The following MDGA2 variants were observed in gnomAD, a reference collection of about 807,000 sequenced individuals.
MDGA2 encodes the protein MAM domain-containing glycosylphosphatidylinositol anchor protein 2.
A neutral mutation model predicts 117.8 loss-of-function variants in MDGA2; 40 were observed. The observed-to-expected ratio is 0.34, with a 90% CI of 0.26 to 0.44. The LOEUF (loss-of-function observed/expected upper bound fraction) is 0.44. Among genes scored for constraint, MDGA2 ranks in the 20% least tolerant of loss-of-function variants. The pLI, the probability that MDGA2 is intolerant of heterozygous loss-of-function variation, is 1.00. For synonymous variants in MDGA2, 452 were observed against 439.0 expected, an observed-to-expected ratio of 1.03 and a Z score of -0.37; for missense variants, 1,123 against 1,250.6, an observed-to-expected ratio of 0.90 and a Z score of 1.54.
At chr14:47,164,684 A>T (rs371712767) in intron 3 of MDGA2, among the ~76,000 whole-genome samples, 1 of 152,196 alleles carries the variant, frequency 6.6e-6, no homozygotes, top group Non-Finnish European at 1.5e-5. Flanking sequence ...ATTGTGGAAG[A>T]CAGTGTGGCG....
intron 1 of MDGA2, among the ~76,000 whole-genome samples, chr14:47,361,751 G>C (rs1044680301): frequency 6.6e-6 from 1 of 152,082 alleles, no homozygotes; most frequent in African/African-American, 2.4e-5. Flanking sequence ...GGTTTGAACT[G>C]AGGACTCAGT....
At chr14:47,150,671 C>T (rs1163979932) in intron 3 of MDGA2, among the ~76,000 whole-genome samples, 2 of 152,056 alleles carry the variant, frequency 1.3e-5, no homozygotes, top group African/African-American at 4.8e-5. Flanking sequence ...TGCCTGTAAT[C>T]CTAGCACTTT....
At chr14:47,661,373 G>A (rs906711256) in intron 1 of MDGA2, among the ~76,000 whole-genome samples, 1 of 152,032 alleles carries the variant, frequency 6.6e-6, no homozygotes, top group African/African-American at 2.4e-5. Context: ...GCATACAGTA[G>A]GCACTTGATA....
intron 1 of MDGA2, among the ~76,000 whole-genome samples, chr14:47,335,888 T>TAGGAGAGAAATGGGCAGGAG (rs1475913438): frequency 2.0e-5 from 3 of 151,016 alleles, no homozygotes; most frequent in African/African-American, 7.3e-5. Context: ...ATGTAGGGTA[T>TAGGAGAGAAATGGGCAGGAG]AGGAGAGAAA....
At chr14:47,028,321 C>T (rs1288063561) in intron 8 of MDGA2, among the ~76,000 whole-genome samples, 1 of 151,914 alleles carries the variant, frequency 6.6e-6, no homozygotes, top group African/African-American at 2.4e-5. Context: ...TGTGAGGAAA[C>T]CAAAGGCTGT....
At chr14:46,910,718 T>A (rs1295295837) in intron 10 of MDGA2, among the ~76,000 whole-genome samples, 1 of 152,128 alleles carries the variant, frequency 6.6e-6, no homozygotes, top group Non-Finnish European at 1.5e-5. Flanking sequence ...TGATCCTGTA[T>A]CTAGCAAACC....
chr14:47,092,133 C>T (rs1022956), intron 6 of MDGA2, among the ~76,000 whole-genome samples: 25,424 of 152,122 alleles, frequency 0.17, 2,447 homozygotes, highest in East Asian at 0.31. Context: ...CTATTTTAAT[C>T]AACCAGGAGT....
At chr14:47,226,489 T>C (rs1219351341) in intron 2 of MDGA2, among the ~76,000 whole-genome samples, 1 of 152,154 alleles carries the variant, frequency 6.6e-6, no homozygotes, top group East Asian at 1.9e-4. Flanking sequence ...TTGAGGAATT[T>C]ATTCACCTCT....
chr14:46,981,066 T>C (rs1276949509), intron 8 of MDGA2, among the ~76,000 whole-genome samples: 1 of 151,998 alleles, frequency 6.6e-6, no homozygotes, highest in Non-Finnish European at 1.5e-5. Context: ...TTTATGACAA[T>C]AAATAAATAT....
At chr14:47,169,281 CTTTCA>C (rs1210506021) in intron 3 of MDGA2, among the ~76,000 whole-genome samples, 3 of 151,700 alleles carry the variant, frequency 2.0e-5, no homozygotes, top group Non-Finnish European at 2.9e-5. Context: ...AGAATATTTT[CTTTCA>C]TTTCTTGTTG....
intron 1 of MDGA2, among the ~76,000 whole-genome samples, chr14:47,481,051 G>T (rs1228363600): frequency 6.6e-6 from 1 of 151,878 alleles, no homozygotes; most frequent in Non-Finnish European, 1.5e-5. Context: ...TTAAGAACAA[G>T]TAATATCGCT....
chr14:47,067,687 T>C (rs1890135014), intron 6 of MDGA2, among the ~76,000 whole-genome samples: 1 of 152,170 alleles, frequency 6.6e-6, no homozygotes, highest in Non-Finnish European at 1.5e-5. Context: ...GCAAACAGCA[T>C]TAAAGAGGAG....
chr14:47,389,072 A>T (rs1891830020), intron 1 of MDGA2, among the ~76,000 whole-genome samples: 1 of 152,226 alleles, frequency 6.6e-6, no homozygotes, highest in South Asian at 2.1e-4. Flanking sequence ...ATATAAAGTT[A>T]TGCATTATCT....
chr14:47,468,985 T>C (rs1303857404), intron 1 of MDGA2, among the ~76,000 whole-genome samples: 1 of 152,134 alleles, frequency 6.6e-6, no homozygotes. Context: ...GAAATAAGTA[T>C]GATTCTATTC....
At chr14:47,335,659 T>C (rs1295190545) in intron 1 of MDGA2, among the ~76,000 whole-genome samples, 4 of 149,366 alleles carry the variant, frequency 2.7e-5, no homozygotes, top group Non-Finnish European at 3.0e-5. Flanking sequence ...CATAAATACA[T>C]ATAGGTGTGT....
At chr14:46,895,531 C>A (rs571358088) in intron 10 of MDGA2, among the ~76,000 whole-genome samples, 1 of 151,884 alleles carries the variant, frequency 6.6e-6, no homozygotes, top group Non-Finnish European at 1.5e-5. Flanking sequence ...TTCAAGACCA[C>A]CCTGGTCAAT....
chr14:47,548,358 C>CT (rs893904208), intron 1 of MDGA2, among the ~76,000 whole-genome samples: 21 of 150,388 alleles, frequency 1.4e-4, no homozygotes, highest in Middle Eastern at 3.4e-3. Flanking sequence ...GACTTTTTTT[C>CT]TTTTTTTTTG....
chr14:47,168,303 A>C (rs914659592), intron 3 of MDGA2, among the ~76,000 whole-genome samples: 2 of 151,620 alleles, frequency 1.3e-5, no homozygotes, highest in Non-Finnish European at 2.9e-5. Flanking sequence ...AAAAAAAAAA[A>C]AACCTTAACA....
intron 5 of MDGA2, among the ~76,000 whole-genome samples, chr14:47,104,866 C>G (rs1222885952): frequency 6.6e-6 from 1 of 152,010 alleles, no homozygotes; most frequent in African/African-American, 2.4e-5. Context: ...TCCAACCTCC[C>G]TCACTATCCC....
Sources: gnomAD v4.1 joint callset for allele counts (sites outside exome capture counted in the v4.1 genomes callset) on GRCh38, gnomAD v4.1.1 for gene constraint, MANE v1.5 for transcripts, NCBI Gene and HGNC (gene_info 2026-07-23, HGNC 2026-07-21) for gene names.